THRB: variants seen among roughly 807,000 people sequenced by gnomAD.
The protein encoded by THRB is nuclear receptor subfamily 1 group A member 2.
Under a neutral mutation model 47.8 loss-of-function variants are expected in THRB, and 12 were observed. That is an observed-to-expected ratio of 0.25 (90% CI 0.16 to 0.41). The LOEUF (loss-of-function observed/expected upper bound fraction) is 0.41. Among genes scored for constraint, THRB ranks in the 10% least tolerant of loss-of-function variants. The probability of loss-of-function intolerance (pLI) is 1.00; values close to 1 mark genes in which losing one functional copy is unlikely to be tolerated. For synonymous variants in THRB, 218 were observed against 212.2 expected (o/e 1.03, Z -0.24); for missense variants, 348 against 589.2 (o/e 0.59, Z 4.24).
intron 3 of THRB, among the ~76,000 whole-genome samples, chr3:24,274,135 C>T (rs926171115): frequency 2.6e-5 from 4 of 152,122 alleles, no homozygotes; most frequent in African/African-American, 9.7e-5. Context: ...CCTAGACATT[C>T]ATATTCTAGA....
chr3:24,163,875 T>C (rs563190041), intron 5 of THRB, among the ~76,000 whole-genome samples: 1 of 152,280 alleles, frequency 6.6e-6, no homozygotes, highest in South Asian at 2.1e-4. Context: ...TATAAAATTT[T>C]GTTCATTTGT....
intron 3 of THRB, among the ~76,000 whole-genome samples, chr3:24,253,387 T>C (rs978596059): frequency 6.6e-6 from 1 of 152,120 alleles, no homozygotes; most frequent in Non-Finnish European, 1.5e-5. Context: ...AGATACAGCA[T>C]TGAACAAACA....
chr3:24,389,564 A>T (rs1423878022), intron 1 of THRB, among the ~76,000 whole-genome samples: 1 of 152,160 alleles, frequency 6.6e-6, no homozygotes, highest in Admixed American at 6.6e-5. Flanking sequence ...CTTGCCTTTC[A>T]GGTTCTCAGC....
intron 3 of THRB, among the ~76,000 whole-genome samples, chr3:24,265,190 G>A (rs530191978): frequency 6.6e-6 from 1 of 152,234 alleles, no homozygotes; most frequent in African/African-American, 2.4e-5. Flanking sequence ...GAAGGGCAGT[G>A]AAAGAAAGTG....
chr3:24,464,652 G>A (rs977081112), intron 1 of THRB, among the ~76,000 whole-genome samples: 19 of 152,052 alleles, frequency 1.2e-4, no homozygotes, highest in African/African-American at 4.3e-4. Flanking sequence ...CATTTCAGTT[G>A]TCTTATTTGT....
chr3:24,305,455 G>A (rs541024877), intron 2 of THRB, among the ~76,000 whole-genome samples: 1 of 152,298 alleles, frequency 6.6e-6, no homozygotes, highest in Admixed American at 6.5e-5. Context: ...CATGTGTAGG[G>A]TAAGGTCAAG....
At chr3:24,438,026 C>T (rs1038374822) in intron 1 of THRB, among the ~76,000 whole-genome samples, 1 of 151,820 alleles carries the variant, frequency 6.6e-6, no homozygotes, top group African/African-American at 2.4e-5. Context: ...CCTAATATGC[C>T]TTCAGATGCA....
chr3:24,202,358 C>T (rs1038253762), intron 4 of THRB, among the ~76,000 whole-genome samples: 9 of 152,140 alleles, frequency 5.9e-5, no homozygotes, highest in Admixed American at 3.3e-4. Context: ...GAACCCTACA[C>T]CTCAAATACT....
chr3:24,393,748 T>A (rs1313821157), intron 1 of THRB, among the ~76,000 whole-genome samples: 1 of 152,122 alleles, frequency 6.6e-6, no homozygotes, highest in Non-Finnish European at 1.5e-5. Context: ...CCCCAAAAGG[T>A]GAGGTCCTAT....
chr3:24,463,710 G>T (rs2073893640), intron 1 of THRB, among the ~76,000 whole-genome samples: 1 of 152,208 alleles, frequency 6.6e-6, no homozygotes, highest in Non-Finnish European at 1.5e-5. Flanking sequence ...AAGTATACTT[G>T]ATTTGGACTT....
chr3:24,369,980 A>C (rs2064781400), intron 1 of THRB, among the ~76,000 whole-genome samples: 1 of 152,162 alleles, frequency 6.6e-6, no homozygotes. Flanking sequence ...GAGTCCTCCA[A>C]ATTGACTTTC....
At chr3:24,383,301 T>A (rs1356677218) in intron 1 of THRB, among the ~76,000 whole-genome samples, 1 of 152,110 alleles carries the variant, frequency 6.6e-6, no homozygotes, top group Non-Finnish European at 1.5e-5. Flanking sequence ...CCATCCCTCA[T>A]CCATTCATCC....
chr3:24,385,540 T>A (rs376945298), intron 1 of THRB, among the ~76,000 whole-genome samples: 6 of 152,120 alleles, frequency 3.9e-5, no homozygotes, highest in African/African-American at 1.2e-4. Context: ...CCCAGCATAA[T>A]CTGCCTTTAA....
intron 1 of THRB, among the ~76,000 whole-genome samples, chr3:24,354,101 A>G (rs2063522417): frequency 6.6e-6 from 1 of 152,178 alleles, no homozygotes. Context: ...TGAGGCCATT[A>G]TCCTTGGTAA....
intron 1 of THRB, among the ~76,000 whole-genome samples, chr3:24,425,727 A>G (rs1440248297): frequency 6.6e-6 from 1 of 151,828 alleles, no homozygotes; most frequent in Non-Finnish European, 1.5e-5. Context: ...ATTATTCTAA[A>G]TTTTCCATTG....
chr3:24,378,722 G>C, intron 1 of THRB, among the ~76,000 whole-genome samples: 1 of 151,778 alleles, frequency 6.6e-6, no homozygotes. Flanking sequence ...CAACTAAAAA[G>C]CTCATTAATA....
intron 6 of THRB, among the ~76,000 whole-genome samples, chr3:24,149,050 G>A (rs1186597470): frequency 1.3e-5 from 2 of 152,162 alleles, no homozygotes; most frequent in Non-Finnish European, 2.9e-5. Context: ...TGTGCAGGGT[G>A]GGCAAATCTT....
At chr3:24,158,260 T>A (rs2038172341) in intron 5 of THRB, among the ~76,000 whole-genome samples, 1 of 152,210 alleles carries the variant, frequency 6.6e-6, no homozygotes, top group African/African-American at 2.4e-5. Context: ...ACGGACATCC[T>A]TTTTAGGCTC....
chr3:24,311,015 A>AT (rs1309844563), intron 2 of THRB, among the ~76,000 whole-genome samples: 2 of 152,144 alleles, frequency 1.3e-5, no homozygotes, highest in African/African-American at 4.8e-5. Context: ...TCTCAAGCAG[A>AT]TATCTATGGT....
Sources: allele counts gnomAD v4.1 joint callset (sites outside exome capture counted in the v4.1 genomes callset), GRCh38; gene constraint gnomAD v4.1.1; transcripts MANE v1.5; gene names NCBI Gene and HGNC (gene_info 2026-07-23, HGNC 2026-07-21).